The following CDKAL1 variants were observed in gnomAD, a reference collection of about 807,000 sequenced individuals.
CDKAL1 encodes threonylcarbamoyladenosine tRNA methylthiotransferase.
In CDKAL1, 32 loss-of-function variants were observed where a neutral mutation model predicts 68.2. That is an observed-to-expected ratio of 0.47 (90% CI 0.35 to 0.63). The LOEUF is 0.63. Ranked by LOEUF, CDKAL1 falls within the 30% of genes least tolerant of loss-of-function variation. The pLI is 0.00. For missense variants in CDKAL1, 606 were observed against 696.7 expected (o/e 0.87, Z 1.47); for synonymous variants, 234 against 244.3 (o/e 0.96, Z 0.39).
intron 8 of CDKAL1, among the ~76,000 whole-genome samples, chr6:20,842,347 GA>G (rs1196058096): frequency 2.0e-5 from 3 of 152,094 alleles, no homozygotes; most frequent in Admixed American, 2.0e-4. Flanking sequence ...CAAGTTTAAA[GA>G]AACGTACTCT....
chr6:21,139,341 C>A (rs1316173564), intron 13 of CDKAL1, among the ~76,000 whole-genome samples: 1 of 152,170 alleles, frequency 6.6e-6, no homozygotes, highest in Non-Finnish European at 1.5e-5. Flanking sequence ...TGCACAATGT[C>A]ATCAAGGAAG....
At chr6:20,774,150 A>G (rs1581553460) in intron 7 of CDKAL1, among the ~76,000 whole-genome samples, 2 of 152,168 alleles carry the variant, frequency 1.3e-5, no homozygotes, top group Non-Finnish European at 2.9e-5. Context: ...TTAAAATTAG[A>G]TGGAGTGAAT....
At chr6:21,190,980 G>A (rs538131650) in intron 13 of CDKAL1, among the ~76,000 whole-genome samples, 1 of 152,280 alleles carries the variant, frequency 6.6e-6, no homozygotes, top group African/African-American at 2.4e-5. Flanking sequence ...ATAAAGAGAA[G>A]AGCAACTTTA....
At chr6:20,980,773 A>G (rs1766103267) in intron 10 of CDKAL1, among the ~76,000 whole-genome samples, 2 of 152,176 alleles carry the variant, frequency 1.3e-5, no homozygotes, top group Non-Finnish European at 2.9e-5. Context: ...GTGAGAGGAT[A>G]CACAACATCA....
intron 5 of CDKAL1, among the ~76,000 whole-genome samples, chr6:20,721,705 C>A (rs1181220235): frequency 6.8e-6 from 1 of 147,114 alleles, no homozygotes; most frequent in Non-Finnish European, 1.5e-5. Context: ...TCCTTCTTCT[C>A]TGCACCCTGA....
intron 13 of CDKAL1, among the ~76,000 whole-genome samples, chr6:21,133,680 A>T (rs538364304): frequency 1.3e-5 from 2 of 152,356 alleles, no homozygotes; most frequent in South Asian, 4.1e-4. Flanking sequence ...TACATAATGT[A>T]GCATTAGTTA....
rs146846971 is a variant in CDKAL1, at chr6:20,565,959, T to G, written c.286+17254T>G. Among the ~76,000 whole-genome samples the G allele has an allele frequency of 1.6e-3, 243 of 152,214 alleles. 6 individuals carry two copies. The East Asian group carries it at 0.044, about 27-fold the overall frequency. On this transcript the variant is annotated intron_variant, in intron 4 of 15. Transcript: ENST00000274695. ...TGCTTTCAGATTTTTGTGGGAAAATTAGAAAAAGCAAAAATGCACTCAGTG... is the reference window on the plus strand; with the variant it reads ...TGCTTTCAGATTTTTGTGGGAAAATGAGAAAAAGCAAAAATGCACTCAGTG...
intron 5 of CDKAL1, among the ~76,000 whole-genome samples, chr6:20,684,282 A>G (rs1217960237): frequency 6.6e-6 from 1 of 152,210 alleles, no homozygotes; most frequent in Non-Finnish European, 1.5e-5. Context: ...TCTCTACTAA[A>G]AATACAAAAA....
intron 12 of CDKAL1, among the ~76,000 whole-genome samples, chr6:21,104,339 A>C (rs961813424): frequency 6.6e-6 from 1 of 152,206 alleles, no homozygotes; most frequent in African/African-American, 2.4e-5. Context: ...AGCAAATAGA[A>C]GGAGCCAGGA....
intron 8 of CDKAL1, among the ~76,000 whole-genome samples, chr6:20,801,701 T>TA (rs906657450): frequency 1.3e-4 from 20 of 152,182 alleles, no homozygotes; most frequent in African/African-American, 4.6e-4. Flanking sequence ...CTCTATTTTT[T>TA]AAAAAACCTG....
intron 7 of CDKAL1, among the ~76,000 whole-genome samples, chr6:20,768,943 G>T (rs1774816584): frequency 6.6e-6 from 1 of 152,154 alleles, no homozygotes; most frequent in Admixed American, 6.5e-5. Context: ...GAAACTGGGA[G>T]CTGGGGAGTT....
intron 5 of CDKAL1, among the ~76,000 whole-genome samples, chr6:20,714,214 A>G (rs1375060330): frequency 6.6e-6 from 1 of 151,872 alleles, no homozygotes; most frequent in Non-Finnish European, 1.5e-5. Context: ...CATAATGTTC[A>G]GTTGATCCAG....
chr6:20,752,690 G>A (rs554858917), intron 6 of CDKAL1, among the ~76,000 whole-genome samples: 1 of 152,186 alleles, frequency 6.6e-6, no homozygotes, highest in South Asian at 2.1e-4. Context: ...AAAGTGAGTT[G>A]CAACCATGAT....
chr6:20,777,891 T>G (rs538426182), intron 7 of CDKAL1, among the ~76,000 whole-genome samples: 1 of 152,318 alleles, frequency 6.6e-6, no homozygotes, highest in South Asian at 2.1e-4. Context: ...CAATACACTG[T>G]AATAAAAGTT....
chr6:20,984,168 T>G (rs181468596), intron 10 of CDKAL1, among the ~76,000 whole-genome samples: 1 of 152,210 alleles, frequency 6.6e-6, no homozygotes, highest in South Asian at 2.1e-4. Flanking sequence ...CTGTTGCTAT[T>G]TATGCTACTA....
chr6:20,636,966 A>G (rs1049898516), intron 4 of CDKAL1, among the ~76,000 whole-genome samples: 3 of 150,454 alleles, frequency 2.0e-5, no homozygotes, highest in African/African-American at 7.3e-5. Flanking sequence ...GAACCCGGGA[A>G]GCAGAAGTTG....
At chr6:20,678,980 T>C (rs1581370639) in intron 5 of CDKAL1, among the ~76,000 whole-genome samples, 1 of 152,298 alleles carries the variant, frequency 6.6e-6, no homozygotes. Context: ...TTGTAGTTCA[T>C]TGTAACCTGA....
chr6:20,762,805 A>G (rs548656722), intron 7 of CDKAL1, among the ~76,000 whole-genome samples: 1 of 152,262 alleles, frequency 6.6e-6, no homozygotes, highest in South Asian at 2.1e-4. Flanking sequence ...TCTCCTTTCA[A>G]TCTGACTGCA....
intron 15 of CDKAL1, among the ~76,000 whole-genome samples, chr6:21,219,099 T>C (rs1440131068): frequency 1.3e-5 from 2 of 152,198 alleles, no homozygotes; most frequent in Non-Finnish European, 2.9e-5. Flanking sequence ...GGAAAATATG[T>C]AGAGATGTGA....
Sources: gnomAD v4.1 joint callset for allele counts (sites outside exome capture counted in the v4.1 genomes callset) on GRCh38, gnomAD v4.1.1 for gene constraint, MANE v1.5 for transcripts, NCBI Gene and HGNC (gene_info 2026-07-23, HGNC 2026-07-21) for gene names.